The following MGRN1 variants were observed in gnomAD, a reference collection of about 807,000 sequenced individuals.
The protein encoded by MGRN1 is mahogunin ring finger 1.
In MGRN1, 29 loss-of-function variants were observed where a neutral mutation model predicts 69.2. The ratio of observed to expected loss-of-function variants is 0.42; its 90% CI spans 0.31 to 0.57. The LOEUF is 0.57. Ranked by LOEUF, MGRN1 falls within the 20% of genes least tolerant of loss-of-function variation. The pLI is 0.15. For missense variants in MGRN1, 998 were observed against 796.2 expected (o/e 1.25, Z -3.05); for synonymous variants, 470 against 344.2 (o/e 1.37, Z -4.04).
chr16:4,654,794 G>A (rs867542066), intron 4 of MGRN1, among the ~76,000 whole-genome samples: 1 of 152,228 alleles, frequency 6.6e-6, no homozygotes, highest in Admixed American at 6.5e-5. Flanking sequence ...GACGACTTAT[G>A]TGGGGAGGTT....
Position 4,681,771 on chromosome 16 carries a change from C to T in MGRN1, c.1353C>T (p.Pro451=), listed in dbSNP as rs749190830. The change falls in exon 13 of 17, where the codon CCC becomes CCT. Residue 451 remains proline, a synonymous_variant. Transcript: ENST00000262370. ...AGGGCAGGCCGCAGAGCAAGGCCCC[C>T]GACAGGTGAGCAGCAGCCAGGCCAG... ...RQKGRPQSKA[P]DSTLRSPSSP... 151 of 1,610,160 alleles carry T rather than the reference C, an allele frequency of 9.4e-5. No homozygotes were observed. The highest frequency in any genetic ancestry group is 1.7e-4 in the Middle Eastern group (1 of 5,850).
At chr16:4,643,395 C>T (rs1390398148) in intron 1 of MGRN1, among the ~76,000 whole-genome samples, 1 of 149,228 alleles carries the variant, frequency 6.7e-6, no homozygotes, top group African/African-American at 2.5e-5. Context: ...TGTACCCGGC[C>T]TTGCTTGATT....
At position 4,690,787 on chromosome 16, in the gene MGRN1, G is replaced by GCCCGCCC. The variant is rs927786128; in HGVS notation, c.*1889_*1895dup. ...AACAACACACACAGCCCCCTGCACC[G>GCCCGCCC]CCCGCCCCCCGCCCCCACCAAGGCC... On this transcript the variant is annotated 3_prime_UTR_variant, in exon 17 of 17. Transcript: ENST00000262370. 5 of 18,312 alleles carry GCCCGCCC rather than the reference G, an allele frequency of 2.7e-4. No individual in the cohort carries two copies. Among genetic ancestry groups the GCCCGCCC allele is most frequent in the Admixed American group, 6.1e-4 (1 of 1,632 alleles). 1.1% of individuals were successfully genotyped at this position (18,312 alleles called of 1,614,324 possible).
Position 4,665,018 on chromosome 16 carries a change from G to T in MGRN1, c.629-84G>T, listed in dbSNP as rs183010801. The T allele has an allele frequency of 3.3e-6, 5 of 1,507,770 alleles. No homozygotes were observed. The African/African-American group carries it at 4.1e-5, about 12-fold the overall frequency. 93.4% of individuals were successfully genotyped at this position (1,507,770 alleles called of 1,614,324 possible). On this transcript the variant is annotated intron_variant, in intron 6 of 16. Coordinates refer to ENST00000262370, the MANE Select transcript of MGRN1 (RefSeq NM_015246.4). ...CTGTGCAGGCTGAGCCCTCGGTGCC[G>T]CAGGCCTACCAGGGTCGGGGAGGTG...
At chr16:4,688,510 TCCACCG>T in intron 16 of MGRN1, 28 of 1,202,242 alleles carry the variant, frequency 2.3e-5, no homozygotes, top group Non-Finnish European at 2.9e-5. Flanking sequence ...CCAGAGGGCA[TCCACCG>T]CGGTGCCGTG....
chr16:4,630,349 C>T (rs1189972889), intron 1 of MGRN1, among the ~76,000 whole-genome samples: 3 of 136,790 alleles, frequency 2.2e-5, no homozygotes, highest in Admixed American at 7.1e-5. Context: ...AGTGAGACGC[C>T]GTCTCAAAAA....
At chr16:4,667,269 C>CA (rs2078826376) in intron 7 of MGRN1, among the ~76,000 whole-genome samples, 1 of 152,210 alleles carries the variant, frequency 6.6e-6, no homozygotes, top group East Asian at 1.9e-4. Context: ...TAGAGCACCC[C>CA]AGGGTCGGGG....
chr16:4,625,146 G>C, intron 1 of MGRN1, 98 bp downstream of exon 1: 1 of 1,150,250 alleles, frequency 8.7e-7, no homozygotes, highest in Non-Finnish European at 1.2e-6. Context: ...GCCCTGCTCG[G>C]CCCCCTCCGG....
Position 4,677,184 on chromosome 16 carries a change from T to C in MGRN1, c.956-279T>C, listed in dbSNP as rs996156276. Reference sequence around the variant, plus strand: ...TTCCTGCCCGGGGCCATTTCATTAATACTGTGTTTGCGGGAGTTCTGTCTC... The same window carrying C: ...TTCCTGCCCGGGGCCATTTCATTAACACTGTGTTTGCGGGAGTTCTGTCTC... On this transcript the variant is annotated intron_variant, in intron 10 of 16. Coordinates refer to ENST00000262370, the MANE Select transcript of MGRN1 (RefSeq NM_015246.4). 7 of 329,696 alleles carry C rather than the reference T, an allele frequency of 2.1e-5. No individual in the cohort carries two copies. The Admixed American group carries it at 2.3e-4, about 11-fold the overall frequency. 20.4% of individuals were successfully genotyped at this position (329,696 alleles called of 1,614,324 possible). A position where few individuals can be genotyped will look rare whatever the true frequency, so the allele number is the denominator to read the frequency against.
intron 8 of MGRN1, chr16:4,669,059 TA>T (rs2078880670): frequency 6.6e-6 from 1 of 151,378 alleles, no homozygotes; most frequent in Non-Finnish European, 1.5e-5. Flanking sequence ...CACACACACT[TA>T]TATATAGACA....
intron 5 of MGRN1, among the ~76,000 whole-genome samples, chr16:4,659,526 C>A (rs2078628325): frequency 6.6e-6 from 1 of 152,206 alleles, no homozygotes; most frequent in Non-Finnish European, 1.5e-5. Context: ...GGGTTGGAAT[C>A]ACGATGCCCC....
intron 2 of MGRN1, 146 bp downstream of exon 2, chr16:4,650,629 G>A: frequency 3.1e-6 from 2 of 638,390 alleles, no homozygotes; most frequent in South Asian, 4.7e-5. Context: ...GTTGAGCTTG[G>A]GTGTGGGCAC....
rs574183423 is a variant in MGRN1 at position 4,683,055 on chromosome 16, T to C, written c.1482+109T>C. The C allele has an allele frequency of 4.7e-5, 69 of 1,473,118 alleles. 1 individual carries two copies. In the South Asian group the frequency reaches 9.0e-4, roughly 19 times the overall value. 91.3% of individuals were successfully genotyped at this position (1,473,118 alleles called of 1,614,324 possible). A position where few individuals can be genotyped will look rare whatever the true frequency, so the allele number is the denominator to read the frequency against. On this transcript the variant is annotated intron_variant, in intron 14 of 16. Transcript: ENST00000262370. ...ACTGCCCGCCTGGGCGCCCCCGTGC[T>C]TGTTGGCTCTTGCTGAGCTGCGCGG... is the stretch of plus-strand genomic sequence containing the variant.
intron 16 of MGRN1, 130 bp from the exon 17 acceptor site, chr16:4,688,666 T>C (rs982290800): frequency 5.5e-6 from 8 of 1,444,302 alleles, no homozygotes; most frequent in Non-Finnish European, 7.3e-6. Context: ...GTGAATGCTG[T>C]TGTGGCCACA....
At chr16:4,677,614 C>T in intron 11 of MGRN1, 42 bp downstream of exon 11, 2 of 1,574,072 alleles carry the variant, frequency 1.3e-6, no homozygotes, top group Non-Finnish European at 1.7e-6. Flanking sequence ...GGGAGAGGGG[C>T]ATGAGTGCCT....
chr16:4,629,117 T>G (rs1300810662), intron 1 of MGRN1, among the ~76,000 whole-genome samples: 2 of 151,080 alleles, frequency 1.3e-5, no homozygotes, highest in African/African-American at 4.9e-5. Context: ...ATTACAGGGG[T>G]GAGCCACTGC....
At chr16:4,660,813 C>T (rs150168571) in intron 5 of MGRN1, among the ~76,000 whole-genome samples, 86 of 152,292 alleles carry the variant, frequency 5.6e-4, no homozygotes, top group Admixed American at 1.2e-3. Context: ...CACAAGGGGC[C>T]TACAGTCCCA....
chr16:4,652,744 G>A lies in MGRN1; in HGVS notation c.363G>A (p.Glu121=), dbSNP rs2078436684. 4 of 1,613,124 alleles carry A rather than the reference G, an allele frequency of 2.5e-6. No individual in the cohort carries two copies. In the South Asian group the frequency reaches 3.3e-5, roughly 13 times the overall value. Residue 121 remains glutamate, a synonymous_variant, in exon 4 of 17, where the codon GAG becomes GAA. Coordinates refer to ENST00000262370, the MANE Select transcript of MGRN1 (RefSeq NM_015246.4). Reference sequence around the variant, plus strand: ...AGCCCCGGGTGCTCTACAGCCTGGAGTTCACCTTCGACGCCGATGCCCGCG... The same window carrying A: ...AGCCCCGGGTGCTCTACAGCCTGGAATTCACCTTCGACGCCGATGCCCGCG... ...GDKPRVLYSL[E]FTFDADARVA...
intron 10 of MGRN1, among the ~76,000 whole-genome samples, chr16:4,674,108 C>T (rs940877685): frequency 6.6e-6 from 1 of 152,106 alleles, no homozygotes; most frequent in African/African-American, 2.4e-5. Flanking sequence ...TCTCAGCCTC[C>T]CTAGTAGCTG....
Sources: allele counts gnomAD v4.1 joint callset (sites outside exome capture counted in the v4.1 genomes callset), GRCh38; gene constraint gnomAD v4.1.1; transcripts MANE v1.5; gene names NCBI Gene and HGNC (gene_info 2026-07-23, HGNC 2026-07-21).